WNT7B: variants seen among roughly 807,000 people sequenced by gnomAD.
The protein encoded by WNT7B is protein Wnt-7b.
A neutral mutation model predicts 38.2 loss-of-function variants in WNT7B; 19 were observed. The observed-to-expected ratio is 0.50, with a 90% CI of 0.35 to 0.73. WNT7B has a LOEUF of 0.73. Among genes scored for constraint, WNT7B ranks in the 30% least tolerant of loss-of-function variants. The pLI is 0.01. For missense variants in WNT7B, 423 were observed against 507.9 expected, an observed-to-expected ratio of 0.83 and a Z score of 1.61; for synonymous variants, 243 against 209.3, an observed-to-expected ratio of 1.16 and a Z score of -1.39.
In WNT7B at chr22:45,976,477, G is replaced by A. The variant is rs1416896553; in HGVS notation, c.71+207C>T. ...CGCGCCCCGCTCTCTCTCCTCCCGC[G>A]CTGGGCTCGGCGCCTCTCGGGAGCT... On this transcript the variant is annotated intron_variant, in intron 1 of 3. Coordinates refer to ENST00000339464, the MANE Select transcript of WNT7B (RefSeq NM_058238.3). The surrounding 1 kb of genome is among the most constrained non-coding windows in gnomAD (Gnocchi z 8.5). 6.6e-6 allele frequency among the ~76,000 whole-genome samples: 1 copy of A among 151,918 alleles called. No individual in the cohort carries two copies. Among genetic ancestry groups the A allele is most frequent in the East Asian group, 2.0e-4 (1 of 5,098 alleles).
At chr22:45,928,190 C>T (rs1407024800) in intron 3 of WNT7B, among the ~76,000 whole-genome samples, 1 of 152,190 alleles carries the variant, frequency 6.6e-6, no homozygotes, top group Non-Finnish European at 1.5e-5. Context: ...CCTCACTGTG[C>T]AGCGGGGTCC....
Position 45,975,328 on chromosome 22 carries a change from C to T in WNT7B, c.71+1356G>A, listed in dbSNP as rs1932527414. ...GGAAAAGAGCAGCCTGCCCACTCCA[C>T]CCCCCGCCCAGCAGGCTCAATGCCC... On this transcript the variant is annotated intron_variant, in intron 1 of 3. Coordinates refer to ENST00000339464, the MANE Select transcript of WNT7B (RefSeq NM_058238.3). This position sits in a 1 kb window ranked among gnomAD's most constrained non-coding sequence, Gnocchi z 6.6. Among the ~76,000 whole-genome samples the T allele has an allele frequency of 6.6e-6, 1 of 152,078 alleles. No individual in the cohort carries two copies. The highest frequency in any genetic ancestry group is 1.5e-5 in the Non-Finnish European group (1 of 67,984).
intron 1 of WNT7B, among the ~76,000 whole-genome samples, chr22:45,974,782 T>C (rs1243253678): frequency 6.6e-6 from 1 of 151,962 alleles, no homozygotes; most frequent in Non-Finnish European, 1.5e-5. Context: ...CGGTGGGGTC[T>C]TGCTCACTCA....
chr22:45,969,919 ACT>A (rs887510097), intron 1 of WNT7B, among the ~76,000 whole-genome samples: 57 of 152,100 alleles, frequency 3.7e-4, no homozygotes, highest in African/African-American at 1.3e-3. Context: ...GTCGGCTGAC[ACT>A]CACCCCCACC....
intron 1 of WNT7B, among the ~76,000 whole-genome samples, chr22:45,950,771 A>G (rs1931913994): frequency 6.6e-6 from 1 of 152,158 alleles, no homozygotes. Flanking sequence ...ACCCAACCAA[A>G]GGCTCAGACG....
intron 2 of WNT7B, among the ~76,000 whole-genome samples, chr22:45,940,967 G>C (rs1931631280): frequency 6.6e-6 from 1 of 152,238 alleles, no homozygotes; most frequent in Non-Finnish European, 1.5e-5. Flanking sequence ...CTTGGGGGCT[G>C]TACCATGTTG....
chr22:45,946,057 C>A (rs1043137958), intron 2 of WNT7B, among the ~76,000 whole-genome samples: 1 of 126,256 alleles, frequency 7.9e-6, no homozygotes, highest in Admixed American at 9.0e-5. Context: ...CTGGGGGACT[C>A]TGGGCTCTAG....
intron 2 of WNT7B, among the ~76,000 whole-genome samples, chr22:45,934,401 G>A (rs1931460166): frequency 6.6e-6 from 1 of 152,184 alleles, no homozygotes; most frequent in Non-Finnish European, 1.5e-5. Flanking sequence ...CTGGGTAGGA[G>A]CTCTAGGGAG....
chr22:45,929,789 G>A (rs1011463347), intron 3 of WNT7B, among the ~76,000 whole-genome samples: 54 of 102,958 alleles, frequency 5.2e-4, no homozygotes, highest in Admixed American at 4.6e-4. Flanking sequence ...TCCACCCACC[G>A]ATCCACTCAA....
At chr22:45,972,116 G>GGGGGGCCCCCCCCCCCCCCCCCCCCC in intron 1 of WNT7B, 3 of 530,742 alleles carry the variant, frequency 5.7e-6, no homozygotes, top group East Asian at 3.7e-5. Flanking sequence ...CCCGGGGGGA[G>GGGGGGCCCCCCCCCCCCCCCCCCCCC]CCCACCCGCC....
At chr22:45,971,441 C>A (rs1932436128) in intron 1 of WNT7B, among the ~76,000 whole-genome samples, 1 of 152,240 alleles carries the variant, frequency 6.6e-6, no homozygotes, top group Non-Finnish European at 1.5e-5. Context: ...GGACTCGGCC[C>A]TGCCCGGAGC....
chr22:45,962,117 C>G (rs1178669314), intron 1 of WNT7B, among the ~76,000 whole-genome samples: 2 of 151,116 alleles, frequency 1.3e-5, no homozygotes, highest in Non-Finnish European at 3.0e-5. Context: ...AGCCTGGGAC[C>G]CCACCCTGGA....
chr22:45,972,116 G>GGGGCCCCCCCCCCCCCCCCCCCCCCCCCC, intron 1 of WNT7B: 4 of 530,740 alleles, frequency 7.5e-6, no homozygotes, highest in Non-Finnish European at 9.9e-6. Flanking sequence ...CCCGGGGGGA[G>GGGGCCCCCCCCCCCCCCCCCCCCCCCCCC]CCCACCCGCC....
intron 2 of WNT7B, chr22:45,936,165 C>T: frequency 1.0e-6 from 1 of 985,464 alleles, no homozygotes; most frequent in Non-Finnish European, 1.2e-6. Flanking sequence ...TTCACTGTTT[C>T]CAGTGCAGGC....
At chr22:45,973,814 G>C (rs1932500225) in intron 1 of WNT7B, among the ~76,000 whole-genome samples, 1 of 152,220 alleles carries the variant, frequency 6.6e-6, no homozygotes, top group Admixed American at 6.5e-5. Context: ...GCTGGTACTG[G>C]AGTCCTCCAG....
At chr22:45,930,358 G>A (rs962245620) in intron 3 of WNT7B, among the ~76,000 whole-genome samples, 2 of 152,262 alleles carry the variant, frequency 1.3e-5, no homozygotes, top group African/African-American at 4.8e-5. Flanking sequence ...AAGCCCCCTA[G>A]GCTCTGCTGC....
chr22:45,976,806 C>A lies in WNT7B; in HGVS notation c.-52G>T. On this transcript the variant is annotated 5_prime_UTR_variant, in exon 1 of 4. Transcript: ENST00000339464. This position sits in a 1 kb window ranked among gnomAD's most constrained non-coding sequence, Gnocchi z 8.5. Reference sequence around the variant, plus strand: ...GACAGCGGCGGCCGGAGGGGACGCGCGGGCCCGGCAGGGCCGGGCAGGGGC... The same window carrying A: ...GACAGCGGCGGCCGGAGGGGACGCGAGGGCCCGGCAGGGCCGGGCAGGGGC... 1.3e-6 allele frequency: 2 copies of A among 1,544,596 alleles called. No individual in the cohort carries two copies. The highest frequency in any genetic ancestry group is 1.8e-6 in the Non-Finnish European group (2 of 1,139,864).
intron 1 of WNT7B, among the ~76,000 whole-genome samples, chr22:45,964,257 A>G (rs1437940831): frequency 3.3e-5 from 5 of 151,944 alleles, no homozygotes; most frequent in Admixed American, 3.3e-4. Context: ...TGGGCCTGTC[A>G]CCCCCAGGAA....
At chr22:45,928,532 G>A (rs1021130039) in intron 3 of WNT7B, among the ~76,000 whole-genome samples, 11 of 150,422 alleles carry the variant, frequency 7.3e-5, no homozygotes, top group Non-Finnish European at 1.6e-4. Context: ...TAGGAGAATT[G>A]GCCACTGGCG....
Sources: gnomAD v4.1 joint callset for allele counts (sites outside exome capture counted in the v4.1 genomes callset) on GRCh38, gnomAD v4.1.1 for gene constraint, Gnocchi (gnomAD v3.1) non-coding constraint, MANE v1.5 for transcripts, NCBI Gene and HGNC (gene_info 2026-07-23, HGNC 2026-07-21) for gene names.